The following AKAP6 variants were observed in gnomAD, a reference collection of about 807,000 sequenced individuals.
AKAP6 encodes the protein A-kinase anchoring protein 6.
In AKAP6, 58 loss-of-function variants were observed where a neutral mutation model predicts 188.5. That is an observed-to-expected ratio of 0.31 (90% CI 0.25 to 0.38). The LOEUF is 0.38. Ranked by LOEUF, AKAP6 falls within the 10% of genes least tolerant of loss-of-function variation. AKAP6 has a pLI of 1.00. For synonymous variants in AKAP6, 989 were observed against 998.6 expected, an observed-to-expected ratio of 0.99 and a Z score of 0.18; for missense variants, 2,710 against 2,740.0, an observed-to-expected ratio of 0.99 and a Z score of 0.24.
At position 32,747,153 on chromosome 14, in the gene AKAP6, C is replaced by G. The variant is rs2031944348; in HGVS notation, c.3372+11271C>G. 2.0e-5 allele frequency among the ~76,000 whole-genome samples: 3 copies of G among 152,180 alleles called. No individual in the cohort carries two copies. In the South Asian group the frequency reaches 6.2e-4, roughly 31 times the overall value. On this transcript the variant is annotated intron_variant, in intron 11 of 13. Coordinates refer to ENST00000280979, the MANE Select transcript of AKAP6 (RefSeq NM_004274.5). ...TTTTAGGGGGAATTTCTCATGTCCACTATAACCAATTTCAAATGGTATCAT... is the reference window on the plus strand; with the variant it reads ...TTTTAGGGGGAATTTCTCATGTCCAGTATAACCAATTTCAAATGGTATCAT...
intron 3 of AKAP6, among the ~76,000 whole-genome samples, chr14:32,538,288 C>T (rs1882774684): frequency 6.6e-6 from 1 of 151,948 alleles, no homozygotes; most frequent in African/African-American, 2.4e-5. Context: ...AGAATAAATT[C>T]AACTATGAAA....
intron 1 of AKAP6, among the ~76,000 whole-genome samples, chr14:32,348,417 C>CTTTTTTTTTT (rs71115063): frequency 7.9e-6 from 1 of 126,162 alleles, no homozygotes; most frequent in African/African-American, 3.1e-5. Flanking sequence ...TCTTTTGTTT[C>CTTTTTTTTTT]TTTTTTTTTT....
chr14:32,800,067 A>C (rs544133973), intron 12 of AKAP6, among the ~76,000 whole-genome samples: 3,575 of 142,016 alleles, frequency 0.025, 74 homozygotes, highest in African/African-American at 0.045. Flanking sequence ...CTCTCTATAT[A>C]TATAGAAATA....
chr14:32,812,090 A>G (rs1313633574), intron 12 of AKAP6, among the ~76,000 whole-genome samples: 1 of 152,198 alleles, frequency 6.6e-6, no homozygotes, highest in African/African-American at 2.4e-5. Flanking sequence ...ATCCAGGGGT[A>G]TAAAACTCAC....
At chr14:32,512,700 G>A (rs1040463058) in intron 2 of AKAP6, among the ~76,000 whole-genome samples, 1 of 152,198 alleles carries the variant, frequency 6.6e-6, no homozygotes, top group African/African-American at 2.4e-5. Flanking sequence ...GTCTTGCTTT[G>A]TATGTCTAGG....
At chr14:32,725,003 A>AAAAAAC (rs2030781571) in intron 9 of AKAP6, among the ~76,000 whole-genome samples, 1 of 149,122 alleles carries the variant, frequency 6.7e-6, no homozygotes, top group African/African-American at 2.4e-5. Context: ...AAAAAAAAAA[A>AAAAAAC]AAAAAAAAAA....
chr14:32,338,297 A>G (rs1235804093), intron 1 of AKAP6, among the ~76,000 whole-genome samples: 1 of 152,186 alleles, frequency 6.6e-6, no homozygotes, highest in Non-Finnish European at 1.5e-5. Flanking sequence ...TACCCAAACA[A>G]GAAGTAGTAA....
chr14:32,508,999 T>G (rs1371722448), intron 2 of AKAP6, among the ~76,000 whole-genome samples: 1 of 151,978 alleles, frequency 6.6e-6, no homozygotes, highest in Non-Finnish European at 1.5e-5. Flanking sequence ...TAATTTTGTA[T>G]TTTTAGTAGA....
chr14:32,639,952 T>G (rs1256224427), intron 7 of AKAP6, among the ~76,000 whole-genome samples: 1 of 152,074 alleles, frequency 6.6e-6, no homozygotes, highest in African/African-American at 2.4e-5. Context: ...AGTTCTTCAC[T>G]CTGAAGGCAA....
At chr14:32,411,227 T>C (rs1889473859) in intron 1 of AKAP6, among the ~76,000 whole-genome samples, 1 of 151,748 alleles carries the variant, frequency 6.6e-6, no homozygotes, top group Non-Finnish European at 1.5e-5. Flanking sequence ...AATTTTCTGG[T>C]CCCAAATGTC....
At chr14:32,414,429 A>G (rs1031455430) in intron 1 of AKAP6, among the ~76,000 whole-genome samples, 5 of 152,174 alleles carry the variant, frequency 3.3e-5, no homozygotes, top group Admixed American at 6.6e-5. Context: ...ATCAACCTCC[A>G]AACATTTTCT....
In AKAP6 at chr14:32,676,763, T is replaced by TAA. The variant is rs995713216; in HGVS notation, c.2731-1547_2731-1546dup. On this transcript the variant is annotated intron_variant, in intron 7 of 13. Transcript: ENST00000280979. ...CTTTCTCAGCAAACCAGAGCATTCA[T>TAA]AATTAAGTACTTATAAAAAGCAACA... Among the ~76,000 whole-genome samples, 5 of 152,316 alleles carry TAA rather than the reference T, an allele frequency of 3.3e-5. No homozygotes were observed. The Middle Eastern group carries it at 0.01, about 311-fold the overall frequency.
intron 2 of AKAP6, among the ~76,000 whole-genome samples, chr14:32,522,827 A>G (rs923732733): frequency 6.6e-6 from 1 of 152,246 alleles, no homozygotes; most frequent in Non-Finnish European, 1.5e-5. Context: ...TTACCCAGCC[A>G]TCCCATTACT....
intron 5 of AKAP6, among the ~76,000 whole-genome samples, chr14:32,591,649 T>TC (rs1491100712): frequency 2.5e-4 from 3 of 12,244 alleles, no homozygotes; most frequent in African/African-American, 3.9e-4. Flanking sequence ...GTGTCTTCTC[T>TC]TTTTTTTTTT....
chr14:32,792,898 C>G (rs1031185822), intron 12 of AKAP6, among the ~76,000 whole-genome samples: 5 of 151,962 alleles, frequency 3.3e-5, no homozygotes, highest in Non-Finnish European at 4.4e-5. Flanking sequence ...AAAGAATTTT[C>G]AACCCAGAAT....
intron 2 of AKAP6, among the ~76,000 whole-genome samples, chr14:32,453,082 T>C (rs1308905708): frequency 1.3e-5 from 2 of 152,320 alleles, no homozygotes; most frequent in Admixed American, 6.5e-5. Context: ...AAGAGAATCC[T>C]AGCTTCAGAA....
At chr14:32,463,029 T>C in intron 2 of AKAP6, among the ~76,000 whole-genome samples, 1 of 130,976 alleles carries the variant, frequency 7.6e-6, no homozygotes. Context: ...GGTAAAGGGA[T>C]CAATGCAAGA....
chr14:32,502,629 AT>A (rs1880661676), intron 2 of AKAP6, among the ~76,000 whole-genome samples: 1 of 152,108 alleles, frequency 6.6e-6, no homozygotes, highest in East Asian at 1.9e-4. Context: ...CTTCTTGCAT[AT>A]TCTTCTAGAA....
At chr14:32,572,540 G>A (rs1884539605) in intron 4 of AKAP6, among the ~76,000 whole-genome samples, 1 of 152,290 alleles carries the variant, frequency 6.6e-6, no homozygotes, top group East Asian at 1.9e-4. Context: ...CGCCCAGACA[G>A]TTTATATTTA....
Sources: gnomAD v4.1 joint callset for allele counts (sites outside exome capture counted in the v4.1 genomes callset) on GRCh38, gnomAD v4.1.1 for gene constraint, MANE v1.5 for transcripts, NCBI Gene and HGNC (gene_info 2026-07-23, HGNC 2026-07-21) for gene names.